AKT3: variants seen among roughly 807,000 people sequenced by gnomAD.
The protein encoded by AKT3 is RAC-gamma serine/threonine-protein kinase.
A neutral mutation model predicts 65.3 loss-of-function variants in AKT3; 15 were observed. The observed-to-expected ratio is 0.23, with a 90% CI of 0.15 to 0.35. AKT3 has a LOEUF of 0.35. Among genes scored for constraint, AKT3 ranks in the 10% least tolerant of loss-of-function variants. The pLI is 1.00. For synonymous variants in AKT3, 206 were observed against 183.8 expected (o/e 1.12, Z -0.98); for missense variants, 243 against 576.5 (o/e 0.42, Z 5.92).
intron 8 of AKT3, among the ~76,000 whole-genome samples, chr1:243,576,528 A>G (rs1674955778): frequency 6.6e-6 from 1 of 152,256 alleles, no homozygotes; most frequent in East Asian, 1.9e-4. Context: ...AAGCAAATTC[A>G]GCAAAGGCTC....
intron 2 of AKT3, among the ~76,000 whole-genome samples, chr1:243,835,754 A>G (rs1280439956): frequency 6.6e-6 from 1 of 152,216 alleles, no homozygotes; most frequent in Admixed American, 6.5e-5. Context: ...GAGAATGCAT[A>G]CTGTTAGTGG....
chr1:243,516,089 G>T (rs958184138), intron 12 of AKT3, among the ~76,000 whole-genome samples: 1 of 152,308 alleles, frequency 6.6e-6, no homozygotes, highest in South Asian at 2.1e-4. Flanking sequence ...GTATAGAACT[G>T]ATAATATTCC....
chr1:243,574,656 A>G (rs1674809995), intron 8 of AKT3, among the ~76,000 whole-genome samples: 1 of 152,148 alleles, frequency 6.6e-6, no homozygotes, highest in Admixed American at 6.5e-5. Context: ...AAATTCATTC[A>G]TTTCATATAG....
intron 3 of AKT3, among the ~76,000 whole-genome samples, chr1:243,670,783 A>G (rs1030567398): frequency 6.6e-6 from 1 of 152,230 alleles, no homozygotes; most frequent in Non-Finnish European, 1.5e-5. Flanking sequence ...ACTGAGCAAC[A>G]TGAACCACAA....
intron 2 of AKT3, among the ~76,000 whole-genome samples, chr1:243,774,709 T>G (rs1435503690): frequency 2.0e-5 from 3 of 152,222 alleles, no homozygotes; most frequent in Non-Finnish European, 4.4e-5. Context: ...GTCAACTGCA[T>G]GTATTTTGGT....
At chr1:243,719,752 A>T (rs1686757088) in intron 2 of AKT3, among the ~76,000 whole-genome samples, 1 of 152,136 alleles carries the variant, frequency 6.6e-6, no homozygotes, top group South Asian at 2.1e-4. Context: ...AGAACACTGA[A>T]CACAGATGTT....
rs115947874 is a variant in AKT3 at position 243,545,461 on chromosome 1, T to C, written c.1251+49A>G. On this transcript the variant is annotated intron_variant, in intron 12 of 13. Coordinates refer to ENST00000673466, the MANE Select transcript of AKT3 (RefSeq NM_005465.7). ...AAATATTTTTGCTATAAATTCATTTTAGCAGTGCAGCCAAAATATATACAC... is the reference window on the plus strand; with the variant it reads ...AAATATTTTTGCTATAAATTCATTTCAGCAGTGCAGCCAAAATATATACAC... 2.2e-3 allele frequency: 2,387 copies of C among 1,074,372 alleles called. 34 individuals are homozygous for C. In the African/African-American group the frequency reaches 0.034, roughly 15 times the overall value. The allele number at this position is 1,074,372 out of a possible 1,614,324, so 66.6% of individuals were successfully genotyped here. A position where few individuals can be genotyped will look rare whatever the true frequency, so the allele number is the denominator to read the frequency against.
chr1:243,720,554 A>G (rs958216192), intron 2 of AKT3, among the ~76,000 whole-genome samples: 4 of 151,744 alleles, frequency 2.6e-5, no homozygotes, highest in African/African-American at 7.3e-5. Context: ...TATGATTTTT[A>G]TCATAAATAG....
At chr1:243,843,075 C>T in intron 2 of AKT3, 50 bp downstream of exon 2, 8 of 1,598,230 alleles carry the variant, frequency 5.0e-6, no homozygotes, top group African/African-American at 1.3e-5. Context: ...ACACCACTCA[C>T]TGCTAGCACT....
chr1:243,497,418 G>A (rs749134093), downstream of AKT3, among the ~76,000 whole-genome samples: 64 of 151,372 alleles, frequency 4.2e-4, no homozygotes, highest in Admixed American at 2.6e-4. Flanking sequence ...CACCTGAACC[G>A]CAGGAAATAC....
intron 6 of AKT3, among the ~76,000 whole-genome samples, chr1:243,616,719 AC>A (rs1465028775): frequency 2.0e-5 from 3 of 152,290 alleles, no homozygotes; most frequent in African/African-American, 7.2e-5. Context: ...AAAATATTTG[AC>A]CTTAAACTCG....
intron 11 of AKT3, among the ~76,000 whole-genome samples, chr1:243,548,933 G>C (rs1672859377): frequency 6.6e-6 from 1 of 152,046 alleles, no homozygotes; most frequent in Admixed American, 6.6e-5. Context: ...AAAATGAAGA[G>C]GTGTATTATA....
chr1:243,660,614 G>C (rs959641042), intron 4 of AKT3, among the ~76,000 whole-genome samples: 7 of 152,128 alleles, frequency 4.6e-5, no homozygotes, highest in East Asian at 1.9e-4. Context: ...ATACTGAATG[G>C]GCAAAAACTG....
At chr1:243,646,376 A>C (rs201953971) in intron 4 of AKT3, among the ~76,000 whole-genome samples, 1 of 149,722 alleles carries the variant, frequency 6.7e-6, no homozygotes, top group Non-Finnish European at 1.5e-5. Context: ...TTTTTTTTGG[A>C]AACGGTCTCA....
At chr1:243,625,114 T>C in intron 6 of AKT3, 1 of 166,758 alleles carries the variant, frequency 6.0e-6, no homozygotes, top group Non-Finnish European at 1.2e-5. Context: ...TTATTGCCAC[T>C]GCAGTTTGTG....
chr1:243,795,456 T>TTG (rs1466890614), intron 2 of AKT3, among the ~76,000 whole-genome samples: 2 of 124,388 alleles, frequency 1.6e-5, no homozygotes, highest in Admixed American at 9.1e-5. Context: ...CTTGTTTTTT[T>TTG]TTTTTGTTTT....
chr1:243,795,133 G>A (rs1019369591), intron 2 of AKT3, among the ~76,000 whole-genome samples: 23 of 148,594 alleles, frequency 1.5e-4, no homozygotes, highest in Non-Finnish European at 3.3e-4. Flanking sequence ...ACCTCTCTAT[G>A]TCTACTTTTT....
chr1:243,704,052 A>G (rs1201208007), intron 2 of AKT3, among the ~76,000 whole-genome samples: 1 of 152,164 alleles, frequency 6.6e-6, no homozygotes, highest in African/African-American at 2.4e-5. Context: ...TCTGATGTCT[A>G]TGCAATGTCT....
At chr1:243,602,481 T>C (rs1253935658) in intron 8 of AKT3, among the ~76,000 whole-genome samples, 1 of 152,184 alleles carries the variant, frequency 6.6e-6, no homozygotes, top group Non-Finnish European at 1.5e-5. Context: ...GAATATGAAA[T>C]GATAATTAAA....
Sources: allele counts gnomAD v4.1 joint callset (sites outside exome capture counted in the v4.1 genomes callset), GRCh38; gene constraint gnomAD v4.1.1; transcripts MANE v1.5; gene names NCBI Gene and HGNC (gene_info 2026-07-23, HGNC 2026-07-21).